Variants in BICC1 observed in about 807,000 individuals in gnomAD.
The protein encoded by BICC1 is protein bicaudal C homolog 1.
A neutral mutation model predicts 111.0 loss-of-function variants in BICC1; 43 were observed. The observed-to-expected ratio is 0.39, with a 90% CI of 0.30 to 0.50. The LOEUF is 0.50. BICC1 is among the 20% of genes least tolerant of loss of function. The pLI is 0.88. For missense variants in BICC1, 1,091 were observed against 1,203.2 expected (o/e 0.91, Z 1.38); for synonymous variants, 467 against 434.4 (o/e 1.07, Z -0.93).
chr10:58,559,011 C>T (rs1843534019), intron 1 of BICC1, among the ~76,000 whole-genome samples: 1 of 151,858 alleles, frequency 6.6e-6, no homozygotes, highest in Admixed American at 6.6e-5. Flanking sequence ...TACAAATATT[C>T]AAACCATACA....
chr10:58,743,947 C>G (rs2393484), intron 3 of BICC1, among the ~76,000 whole-genome samples: 1 of 152,134 alleles, frequency 6.6e-6, no homozygotes, highest in East Asian at 1.9e-4. Context: ...CGTGACAACA[C>G]AACTTAAGCA....
At chr10:58,566,674 G>C (rs989219189) in intron 1 of BICC1, among the ~76,000 whole-genome samples, 1 of 151,874 alleles carries the variant, frequency 6.6e-6, no homozygotes, top group African/African-American at 2.4e-5. Flanking sequence ...ATTATTTTTT[G>C]ATTTTTTTGA....
chr10:58,699,231 C>A lies in BICC1; in HGVS notation c.238-2843C>A, dbSNP rs117742946. 6.1e-3 allele frequency among the ~76,000 whole-genome samples: 933 copies of A among 152,296 alleles called. 28 individuals are homozygous for A. The highest frequency in any genetic ancestry group is 0.043 in the East Asian group (222 of 5,182). Reference sequence around the variant, plus strand: ...ATTAAGGATTGGAGGCTTGGGCTTACCCCACTTTCCCTTAAACACAGTGTT... The same window carrying A: ...ATTAAGGATTGGAGGCTTGGGCTTAACCCACTTTCCCTTAAACACAGTGTT... On this transcript the variant is annotated intron_variant, in intron 2 of 20. Coordinates refer to ENST00000373886, the MANE Select transcript of BICC1 (RefSeq NM_001080512.3).
intron 1 of BICC1, among the ~76,000 whole-genome samples, chr10:58,606,680 T>G (rs1845225844): frequency 6.6e-6 from 1 of 152,182 alleles, no homozygotes; most frequent in African/African-American, 2.4e-5. Context: ...TGTGACTTGT[T>G]TTTTTCTCTC....
At chr10:58,737,858 A>T (rs922152925) in intron 3 of BICC1, among the ~76,000 whole-genome samples, 2 of 151,944 alleles carry the variant, frequency 1.3e-5, no homozygotes, top group African/African-American at 4.8e-5. Context: ...GCATTTTTTC[A>T]TGTGTCTTTT....
At chr10:58,708,833 C>A (rs1380661083) in intron 3 of BICC1, among the ~76,000 whole-genome samples, 1 of 152,164 alleles carries the variant, frequency 6.6e-6, no homozygotes, top group African/African-American at 2.4e-5. Flanking sequence ...TGGCATTCAC[C>A]CATGCAAGCT....
chr10:58,796,998 T>C lies in BICC1; in HGVS notation c.1366+472T>C, dbSNP rs117780772. 7.2e-4 allele frequency among the ~76,000 whole-genome samples: 109 copies of C among 152,260 alleles called. 2 individuals are homozygous for C. In the East Asian group the frequency reaches 0.019, roughly 27 times the overall value. On this transcript the variant is annotated intron_variant, in intron 10 of 20. Coordinates refer to ENST00000373886, the MANE Select transcript of BICC1 (RefSeq NM_001080512.3). ...AGTGGTTAGGCCTGCCTTGCCTAGA[T>C]ACAAAGGAAATCTAGTCAGAGGCCA...
intron 1 of BICC1, among the ~76,000 whole-genome samples, chr10:58,581,250 A>G (rs1180131551): frequency 6.6e-6 from 1 of 152,210 alleles, no homozygotes; most frequent in Non-Finnish European, 1.5e-5. Flanking sequence ...TTTGAATAGT[A>G]GTGCTTTGCT....
At chr10:58,828,530 A>T (rs899607507) in intron 20 of BICC1, among the ~76,000 whole-genome samples, 1 of 152,174 alleles carries the variant, frequency 6.6e-6, no homozygotes, top group Non-Finnish European at 1.5e-5. Flanking sequence ...TGCAACAAAA[A>T]CTATTTGCTG....
At chr10:58,799,310 C>T (rs1190171308) in intron 12 of BICC1, 58 bp downstream of exon 12, 3 of 1,342,332 alleles carry the variant, frequency 2.2e-6, no homozygotes, top group Non-Finnish European at 2.0e-6. Context: ...GAGACAAACC[C>T]CTGGTAAAGT....
At chr10:58,641,966 A>G (rs890158674) in intron 2 of BICC1, among the ~76,000 whole-genome samples, 1 of 152,312 alleles carries the variant, frequency 6.6e-6, no homozygotes, top group South Asian at 2.1e-4. Context: ...TTTTCAGAGA[A>G]AATAATTTAA....
At chr10:58,555,772 C>T (rs1474050832) in intron 1 of BICC1, among the ~76,000 whole-genome samples, 1 of 152,040 alleles carries the variant, frequency 6.6e-6, no homozygotes, top group African/African-American at 2.4e-5. Flanking sequence ...AGTTGGTGAA[C>T]AAATATAGTG....
At chr10:58,596,584 G>A (rs1588908106) in intron 1 of BICC1, among the ~76,000 whole-genome samples, 2 of 151,970 alleles carry the variant, frequency 1.3e-5, no homozygotes, top group Middle Eastern at 3.2e-3. Flanking sequence ...GAGAAATAAA[G>A]CGTATTCAAA....
At chr10:58,810,237 C>A in intron 17 of BICC1, among the ~76,000 whole-genome samples, 1 of 152,258 alleles carries the variant, frequency 6.6e-6, no homozygotes, top group Middle Eastern at 3.4e-3. Flanking sequence ...ATGTGCAGGG[C>A]CCCTGACACC....
intron 1 of BICC1, among the ~76,000 whole-genome samples, chr10:58,555,914 A>G (rs924327589): frequency 1.3e-5 from 2 of 152,182 alleles, no homozygotes; most frequent in Non-Finnish European, 2.9e-5. Context: ...AAGGACCCGA[A>G]CTGTCATTCC....
intron 2 of BICC1, among the ~76,000 whole-genome samples, chr10:58,677,533 A>G (rs1000240222): frequency 6.6e-6 from 1 of 152,234 alleles, no homozygotes; most frequent in Non-Finnish European, 1.5e-5. Flanking sequence ...AGCCTCCAAG[A>G]TATATGGGAC....
chr10:58,777,734 GAAA>G (rs914501894), intron 3 of BICC1, among the ~76,000 whole-genome samples: 1 of 150,118 alleles, frequency 6.7e-6, no homozygotes, highest in African/African-American at 2.4e-5. Context: ...GTTTCATTTG[GAAA>G]AAAAAAGAAT....
intron 2 of BICC1, 21 bp downstream of exon 2, chr10:58,620,922 G>C: frequency 6.2e-7 from 1 of 1,608,742 alleles, no homozygotes; most frequent in Non-Finnish European, 8.5e-7. Flanking sequence ...TTTTACTCTT[G>C]TCATGGTGAT....
intron 2 of BICC1, among the ~76,000 whole-genome samples, chr10:58,652,505 A>G (rs567613579): frequency 1.3e-5 from 2 of 152,264 alleles, no homozygotes; most frequent in East Asian, 3.9e-4. Flanking sequence ...TACCAGAAAG[A>G]TTACCTGCTC....
Sources: allele counts gnomAD v4.1 joint callset (sites outside exome capture counted in the v4.1 genomes callset), GRCh38; gene constraint gnomAD v4.1.1; transcripts MANE v1.5; gene names NCBI Gene and HGNC (gene_info 2026-07-23, HGNC 2026-07-21).